The following ST3GAL1 variants were observed in gnomAD, a reference collection of about 807,000 sequenced individuals.
ST3GAL1 encodes the protein ST3 beta-galactoside alpha-2,3-sialyltransferase 1, also known as CMP-N-acetylneuraminate-beta-galactosamide-alpha-2,3-sialyltransferase 1.
ST3GAL1 carries 16 observed loss-of-function variants against 34.1 expected under a neutral mutation model. The observed-to-expected ratio is 0.47, with a 90% CI of 0.32 to 0.71. The LOEUF is 0.71. Ranked by LOEUF, ST3GAL1 falls within the 30% of genes least tolerant of loss-of-function variation. The probability of loss-of-function intolerance (pLI) is 0.04; values close to 1 mark genes in which losing one functional copy is unlikely to be tolerated. For missense variants in ST3GAL1, 353 were observed against 447.4 expected, an observed-to-expected ratio of 0.79 and a Z score of 1.90; for synonymous variants, 191 against 184.7, an observed-to-expected ratio of 1.03 and a Z score of -0.28.
intron 3 of ST3GAL1, among the ~76,000 whole-genome samples, chr8:133,481,989 C>T (rs1816414562): frequency 6.6e-6 from 1 of 152,094 alleles, no homozygotes; most frequent in Non-Finnish European, 1.5e-5. Flanking sequence ...AACTCACTGA[C>T]TCCCTCTACC....
At chr8:133,481,596 A>G (rs1816394276) in intron 3 of ST3GAL1, among the ~76,000 whole-genome samples, 1 of 152,096 alleles carries the variant, frequency 6.6e-6, no homozygotes, top group African/African-American at 2.4e-5. Context: ...CCTGGGTTCA[A>G]GTGATTCTCC....
At chr8:133,549,060 T>C (rs1235442251) in intron 1 of ST3GAL1, among the ~76,000 whole-genome samples, 1 of 152,236 alleles carries the variant, frequency 6.6e-6, no homozygotes, top group African/African-American at 2.4e-5. Context: ...CCTGCATGTA[T>C]ATATGCCTAT....
intron 1 of ST3GAL1, among the ~76,000 whole-genome samples, chr8:133,549,548 C>T (rs979597488): frequency 2.6e-5 from 4 of 152,184 alleles, no homozygotes; most frequent in South Asian, 2.1e-4. Context: ...CATGAAGCAA[C>T]GCATAACATC....
In ST3GAL1 at chr8:133,538,288, G is replaced by A. The variant is rs141568404; in HGVS notation, c.-429+7486C>T. Among the ~76,000 whole-genome samples, 1,075 of 152,318 alleles carry A rather than the reference G, an allele frequency of 7.1e-3. 16 individuals are homozygous for A. The highest frequency in any genetic ancestry group is 0.024 in the African/African-American group (1,004 of 41,572). ...CCATCACTTTGGGAGGCCAAGGTGG[G>A]GGGATCACCTGAGGTCAGGAGTTCG... On this transcript the variant is annotated intron_variant, in intron 2 of 9. Coordinates refer to ENST00000522652, the MANE Select transcript of ST3GAL1 (RefSeq NM_173344.3).
intron 3 of ST3GAL1, among the ~76,000 whole-genome samples, chr8:133,490,606 G>T (rs185687435): frequency 3.3e-5 from 5 of 152,320 alleles, no homozygotes; most frequent in African/African-American, 1.2e-4. Flanking sequence ...GAGGGCAGAG[G>T]GGGAGGGTAA....
chr8:133,523,948 G>C (rs970472416), intron 2 of ST3GAL1, among the ~76,000 whole-genome samples: 2 of 152,166 alleles, frequency 1.3e-5, no homozygotes, highest in Non-Finnish European at 2.9e-5. Flanking sequence ...TCCATTATGA[G>C]AAAAACATGC....
intron 2 of ST3GAL1, chr8:133,539,874 C>G (rs1262339877): frequency 6.6e-6 from 1 of 152,194 alleles, no homozygotes; most frequent in African/African-American, 2.4e-5. Flanking sequence ...CCAGCCTGGG[C>G]ACCAGAGTGA....
rs139797334 is a variant in ST3GAL1 at position 133,477,843 on chromosome 8, T to A, written c.-373-1243A>T. On this transcript the variant is annotated intron_variant, in intron 3 of 9. Transcript: ENST00000522652. ...CTCCCCATTCTCAAGGTGTAGATTG[T>A]CAATAAGCAGGGTATATTTTTTTCC... is the stretch of plus-strand genomic sequence containing the variant. Among the ~76,000 whole-genome samples, 60 of 150,626 alleles carry A rather than the reference T, an allele frequency of 4.0e-4. No homozygotes were observed. The East Asian group carries it at 0.011, about 27-fold the overall frequency.
At chr8:133,506,786 A>C (rs1229854429) in intron 2 of ST3GAL1, among the ~76,000 whole-genome samples, 1 of 149,398 alleles carries the variant, frequency 6.7e-6, no homozygotes, top group Admixed American at 6.7e-5. Flanking sequence ...ACTTTGTCCC[A>C]AAAAAAAGAA....
intron 3 of ST3GAL1, among the ~76,000 whole-genome samples, chr8:133,489,872 G>T (rs981094362): frequency 6.6e-6 from 1 of 151,978 alleles, no homozygotes; most frequent in African/African-American, 2.4e-5. Flanking sequence ...ACTCCTGCCG[G>T]GCTTAAATAT....
Position 133,457,449 on chromosome 8 carries a change from T to TG in ST3GAL1, c.*2314dup, listed in dbSNP as rs563456049. ...TGTCTGATGATCTGGAGTCTGCCCC[T>TG]GGGGTCACTCAGTCACTCAACAAAC... On this transcript the variant is annotated 3_prime_UTR_variant, in exon 10 of 10. Transcript: ENST00000522652. 1 of 152,234 alleles carries TG rather than the reference T, an allele frequency of 6.6e-6. No homozygotes were observed. Among genetic ancestry groups the TG allele is most frequent in the Non-Finnish European group, 1.5e-5 (1 of 68,054 alleles). The allele number at this position is 152,234 out of a possible 1,614,324, so 9.4% of individuals were successfully genotyped here. A position where few individuals can be genotyped will look rare whatever the true frequency, so the allele number is the denominator to read the frequency against.
chr8:133,513,966 G>A (rs934364341), intron 2 of ST3GAL1, among the ~76,000 whole-genome samples: 1 of 151,906 alleles, frequency 6.6e-6, no homozygotes, highest in Non-Finnish European at 1.5e-5. Flanking sequence ...CTGAATGACA[G>A]TGCAAACTAA....
At chr8:133,516,798 C>T (rs1206864649) in intron 2 of ST3GAL1, among the ~76,000 whole-genome samples, 2 of 152,102 alleles carry the variant, frequency 1.3e-5, no homozygotes, top group Non-Finnish European at 2.9e-5. Flanking sequence ...GTCATGTGCC[C>T]GATCACAAAG....
Position 133,487,079 on chromosome 8 carries a change from G to A in ST3GAL1, c.-373-10479C>T, listed in dbSNP as rs971813669. ...CTGCCTCAGCCTCTCGAGTAGCTGG[G>A]ACTACAGATGTGCACCATGCCTGGT... On this transcript the variant is annotated intron_variant, in intron 3 of 9. Transcript: ENST00000522652. 3.7e-4 allele frequency among the ~76,000 whole-genome samples: 57 copies of A among 152,158 alleles called. 1 individual carries two copies. Among genetic ancestry groups the A allele is most frequent in the Non-Finnish European group, 1.5e-5 (1 of 68,028 alleles).
At chr8:133,512,106 A>G (rs565698118) in intron 2 of ST3GAL1, among the ~76,000 whole-genome samples, 1 of 152,272 alleles carries the variant, frequency 6.6e-6, no homozygotes, top group East Asian at 1.9e-4. Context: ...ATCACAAGGT[A>G]AAGTCCCATG....
chr8:133,532,729 G>C (rs745681877), intron 2 of ST3GAL1, among the ~76,000 whole-genome samples: 5 of 152,160 alleles, frequency 3.3e-5, no homozygotes, highest in Non-Finnish European at 5.9e-5. Flanking sequence ...GGTGTTCTGA[G>C]GAGGACACGT....
intron 2 of ST3GAL1, among the ~76,000 whole-genome samples, chr8:133,521,191 T>G (rs2131027510): frequency 7.8e-6 from 1 of 127,506 alleles, no homozygotes; most frequent in South Asian, 2.9e-4. Context: ...TAGAGTGCAG[T>G]GGTGCAATCT....
intron 2 of ST3GAL1, among the ~76,000 whole-genome samples, chr8:133,514,686 C>T (rs1392707945): frequency 6.6e-6 from 1 of 152,162 alleles, no homozygotes; most frequent in Non-Finnish European, 1.5e-5. Flanking sequence ...TGGGCCTTGA[C>T]TTCTGAGCAA....
At chr8:133,563,074 T>A (rs1819294452) in intron 1 of ST3GAL1, among the ~76,000 whole-genome samples, 1 of 152,148 alleles carries the variant, frequency 6.6e-6, no homozygotes, top group Non-Finnish European at 1.5e-5. Flanking sequence ...TAAATATGCA[T>A]GAAGGGACTT....
Sources: gnomAD v4.1 joint callset for allele counts (sites outside exome capture counted in the v4.1 genomes callset) on GRCh38, gnomAD v4.1.1 for gene constraint, MANE v1.5 for transcripts, NCBI Gene and HGNC (gene_info 2026-07-23, HGNC 2026-07-21) for gene names.